Variants in UBXN2A observed in about 807,000 individuals in gnomAD.
UBXN2A encodes UBX domain-containing protein 2A.
A neutral mutation model predicts 28.4 loss-of-function variants in UBXN2A; 28 were observed. The observed-to-expected ratio is 0.99, with a 90% CI of 0.73 to 1.35. UBXN2A has a LOEUF of 1.35. Ranked by LOEUF, UBXN2A falls within the 40% of genes most tolerant of loss-of-function variation. The pLI is 0.00. For missense variants in UBXN2A, 253 were observed against 297.9 expected (o/e 0.85, Z 1.11); for synonymous variants, 97 against 103.6 (o/e 0.94, Z 0.39).
intron 2 of UBXN2A, among the ~76,000 whole-genome samples, chr2:23,966,750 C>CTTT (rs70944704): frequency 1.3e-5 from 1 of 76,674 alleles, no homozygotes; most frequent in Non-Finnish European, 2.4e-5. Context: ...CGCGCCCGGC[C>CTTT]TTTTTTTTTT....
intron 1 of UBXN2A, among the ~76,000 whole-genome samples, chr2:23,953,564 C>T (rs76086908): frequency 0.022 from 3,351 of 152,214 alleles, 374 homozygotes; most frequent in Admixed American, 0.19. Context: ...TCAGATGTTA[C>T]GGATTCTTTC....
rs910135180 is a variant in UBXN2A at position 24,004,196 on chromosome 2, A to C, written c.*4329A>C. 12 of 150,260 alleles carry C rather than the reference A, an allele frequency of 8.0e-5. No homozygotes were observed. The highest frequency in any genetic ancestry group is 2.9e-4 in the African/African-American group (12 of 40,812). The allele number at this position is 150,260 out of a possible 1,614,324, so 9.3% of individuals were successfully genotyped here. A position where few individuals can be genotyped will look rare whatever the true frequency, so the allele number is the denominator to read the frequency against. The stretch of plus-strand genomic sequence containing the variant: ...TAAAAGTTGTAAAATTGTTAGTTAA[A>C]TGTGTATAATTATCAAAAGAGGTTG... On this transcript the variant is annotated 3_prime_UTR_variant, in exon 7 of 7. Coordinates refer to ENST00000309033, the MANE Select transcript of UBXN2A (RefSeq NM_181713.4).
chr2:23,987,773 A>G (rs1015987561), intron 6 of UBXN2A, among the ~76,000 whole-genome samples: 3 of 79,858 alleles, frequency 3.8e-5, no homozygotes, highest in African/African-American at 1.2e-4. Context: ...ACGAGACTCC[A>G]TCTCAAAAAA....
At chr2:23,980,374 A>C (rs1272670189) in intron 4 of UBXN2A, among the ~76,000 whole-genome samples, 2 of 152,186 alleles carry the variant, frequency 1.3e-5, no homozygotes, top group Admixed American at 1.3e-4. Context: ...TGTATTCCAA[A>C]GTGACTGTAC....
chr2:23,944,368 G>C, intron 1 of UBXN2A: 1 of 1,465,782 alleles, frequency 6.8e-7, no homozygotes, highest in Non-Finnish European at 9.5e-7. Flanking sequence ...GAGGTGACCA[G>C]CATCATCTTC....
chr2:23,936,706 G>A (rs763141707), upstream of UBXN2A, among the ~76,000 whole-genome samples: 2 of 152,108 alleles, frequency 1.3e-5, no homozygotes, highest in Non-Finnish European at 2.9e-5. Context: ...ACAAGACAAA[G>A]AAGCCCACTC....
At chr2:23,946,978 C>T (rs1473488951) in intron 1 of UBXN2A, among the ~76,000 whole-genome samples, 2 of 150,462 alleles carry the variant, frequency 1.3e-5, no homozygotes, top group Non-Finnish European at 2.9e-5. Context: ...GCCTTAAACT[C>T]CTGGACTCAA....
At chr2:23,989,144 A>G (rs1367884266) in intron 6 of UBXN2A, among the ~76,000 whole-genome samples, 1 of 152,144 alleles carries the variant, frequency 6.6e-6, no homozygotes, top group East Asian at 1.9e-4. Flanking sequence ...AAACTATTTC[A>G]AAAATTGAAG....
intron 2 of UBXN2A, among the ~76,000 whole-genome samples, chr2:23,970,263 G>C (rs746384534): frequency 6.6e-6 from 1 of 152,166 alleles, no homozygotes; most frequent in Non-Finnish European, 1.5e-5. Context: ...CAGCCTGCAC[G>C]ACAGAGAGGG....
chr2:23,997,474 C>T (rs888850749), intron 6 of UBXN2A, among the ~76,000 whole-genome samples: 13 of 151,952 alleles, frequency 8.6e-5, no homozygotes, highest in African/African-American at 2.9e-4. Context: ...ATTTTTGAGA[C>T]GGAGTCCTGC....
rs145330406 is a variant in UBXN2A, at chr2:23,999,831, A to G, written c.744A>G (p.Gln248=). The change falls in exon 7 of 7, where the codon CAA becomes CAG. Residue 248 remains glutamine, a synonymous_variant. Transcript: ENST00000309033. ...ATGCTGTCATCATTCAGAGACTCCA[A>G]AAAACTGCATCTTTTAGAGAACTTT... The part of the protein sequence containing the change: ...LQNAVIIQRL[Q]KTASFRELSE... The G allele has an allele frequency of 1.2e-6, 2 of 1,612,488 alleles. No individual in the cohort carries two copies. Among genetic ancestry groups the G allele is most frequent in the African/African-American group, 1.3e-5 (1 of 74,824 alleles).
intron 1 of UBXN2A, among the ~76,000 whole-genome samples, chr2:23,957,181 T>C (rs941103683): frequency 6.6e-6 from 1 of 152,160 alleles, no homozygotes; most frequent in African/African-American, 2.4e-5. Context: ...TTGCCCAGGC[T>C]GGAGCACAGT....
intron 3 of UBXN2A, among the ~76,000 whole-genome samples, chr2:23,971,679 G>T (rs113160343): frequency 6.6e-6 from 1 of 152,010 alleles, no homozygotes; most frequent in African/African-American, 2.4e-5. Flanking sequence ...TTGTAGAGAC[G>T]GGGTCTTGCT....
chr2:23,930,266 T>C (rs1344190819), intron 1 of UBXN2A, among the ~76,000 whole-genome samples: 1 of 152,162 alleles, frequency 6.6e-6, no homozygotes, highest in African/African-American at 2.4e-5. Context: ...AGTGAGTCCC[T>C]GTCTCTAGAA....
intron 4 of UBXN2A, among the ~76,000 whole-genome samples, chr2:23,978,119 C>T (rs769351145): frequency 2.6e-5 from 4 of 152,058 alleles, no homozygotes; most frequent in Admixed American, 6.6e-5. Context: ...TGAGCCACCA[C>T]GCCTGGCCAA....
upstream of UBXN2A, among the ~76,000 whole-genome samples, chr2:23,937,899 C>T (rs978419144): frequency 2.0e-5 from 3 of 152,174 alleles, no homozygotes; most frequent in African/African-American, 7.2e-5. Context: ...GGCAATATGG[C>T]ATAGCCTTGC....
chr2:23,967,375 C>T (rs188752447), intron 2 of UBXN2A, among the ~76,000 whole-genome samples: 1 of 152,282 alleles, frequency 6.6e-6, no homozygotes, highest in East Asian at 1.9e-4. Context: ...CACTAACTAC[C>T]ATCTGAACAG....
At chr2:23,981,590 A>G (rs1707908565) in intron 4 of UBXN2A, among the ~76,000 whole-genome samples, 2 of 151,608 alleles carry the variant, frequency 1.3e-5, no homozygotes, top group South Asian at 4.2e-4. Flanking sequence ...ACTTTATTAG[A>G]ATTTGTTAAA....
At chr2:23,937,059 A>G (rs1415013594), upstream of UBXN2A, among the ~76,000 whole-genome samples, 1 of 151,500 alleles carries the variant, frequency 6.6e-6, no homozygotes, top group African/African-American at 2.4e-5. Context: ...GAGTCTCGCT[A>G]TGTTGCCCCA....
Sources: gnomAD v4.1 joint callset for allele counts (sites outside exome capture counted in the v4.1 genomes callset) on GRCh38, gnomAD v4.1.1 for gene constraint, MANE v1.5 for transcripts, NCBI Gene and HGNC (gene_info 2026-07-23, HGNC 2026-07-21) for gene names.